ANO4: variants seen among roughly 807,000 people sequenced by gnomAD.
ANO4 encodes anoctamin 4.
In ANO4, 69 loss-of-function variants were observed where a neutral mutation model predicts 141.9. The observed-to-expected ratio is 0.49, with a 90% confidence interval of 0.40 to 0.59. ANO4 has a LOEUF of 0.59. Ranked by LOEUF, ANO4 falls within the 20% of genes least tolerant of loss-of-function variation. The pLI is 0.00. For missense variants in ANO4, 894 were observed against 1,162.2 expected (o/e 0.77, Z 3.36); for synonymous variants, 350 against 394.3 (o/e 0.89, Z 1.33).
At chr12:101,003,766 T>C (rs1227325930) in intron 8 of ANO4, among the ~76,000 whole-genome samples, 3 of 152,136 alleles carry the variant, frequency 2.0e-5, no homozygotes, top group Non-Finnish European at 2.9e-5. Flanking sequence ...TTTCAAAATA[T>C]CTAGAAGAGA....
At chr12:101,011,252 A>G (rs1219744983) in intron 8 of ANO4, among the ~76,000 whole-genome samples, 1 of 151,916 alleles carries the variant, frequency 6.6e-6, no homozygotes, top group African/African-American at 2.4e-5. Flanking sequence ...TCTTGATAGA[A>G]GGAGCAAGAA....
chr12:100,956,152 C>T (rs529985198), intron 5 of ANO4, among the ~76,000 whole-genome samples: 2 of 152,320 alleles, frequency 1.3e-5, no homozygotes, highest in South Asian at 4.1e-4. Context: ...AGCCTCTTTA[C>T]AACCAAATCC....
At chr12:100,997,736 G>C (rs2136384772) in intron 8 of ANO4, among the ~76,000 whole-genome samples, 1 of 152,212 alleles carries the variant, frequency 6.6e-6, no homozygotes, top group East Asian at 1.9e-4. Flanking sequence ...GATTGTCAGA[G>C]ACGAAGAAAA....
chr12:100,850,681 T>A (rs1297921257), intron 1 of ANO4, among the ~76,000 whole-genome samples: 1 of 151,920 alleles, frequency 6.6e-6, no homozygotes, highest in African/African-American at 2.4e-5. Flanking sequence ...TTTTTAAAAT[T>A]GTTGATAAAA....
In ANO4 at chr12:100,856,185, G is replaced by A. The variant is rs992241971; in HGVS notation, c.-140-45461G>A. 2.2e-4 allele frequency among the ~76,000 whole-genome samples: 34 copies of A among 152,246 alleles called. 1 individual carries two copies. Among genetic ancestry groups the A allele is most frequent in the African/African-American group, 6.7e-4 (28 of 41,544 alleles). On this transcript the variant is annotated intron_variant, in intron 1 of 27. Coordinates refer to ENST00000392977, the MANE Select transcript of ANO4 (RefSeq NM_001286615.2). Reference sequence around the variant, plus strand: ...TGTAGGAGACTTGAAGTACTTTGCCGAAGGATTTTGGTTATAATCAGCCAG... The same window carrying A: ...TGTAGGAGACTTGAAGTACTTTGCCAAAGGATTTTGGTTATAATCAGCCAG...
chr12:100,947,599 T>C (rs968272446), intron 5 of ANO4, among the ~76,000 whole-genome samples: 1 of 152,198 alleles, frequency 6.6e-6, no homozygotes, highest in Non-Finnish European at 1.5e-5. Context: ...AAAATCCAAC[T>C]GCAGTAAACA....
intron 1 of ANO4, among the ~76,000 whole-genome samples, chr12:100,834,643 A>C (rs1196952903): frequency 6.6e-6 from 1 of 152,120 alleles, no homozygotes; most frequent in Non-Finnish European, 1.5e-5. Context: ...TTTGGTGGCA[A>C]GGTGAGGCAG....
chr12:101,104,652 TATATATATATATATATATAAATAA>T (rs1195275478), intron 22 of ANO4, among the ~76,000 whole-genome samples: 31 of 95,016 alleles, frequency 3.3e-4, no homozygotes, highest in African/African-American at 1.5e-3. Flanking sequence ...TATATATATA[TATATATATATATATATATAAATAA>T]AAAGATTTAC....
intron 8 of ANO4, among the ~76,000 whole-genome samples, chr12:101,010,515 A>T (rs549007322): frequency 2.0e-5 from 3 of 152,178 alleles, no homozygotes; most frequent in Non-Finnish European, 4.4e-5. Flanking sequence ...TGCTCATAAA[A>T]TGTCTACTCA....
intron 3 of ANO4, among the ~76,000 whole-genome samples, chr12:100,931,096 C>T (rs1416046869): frequency 1.3e-5 from 2 of 152,104 alleles, no homozygotes; most frequent in Non-Finnish European, 2.9e-5. Context: ...GTAAACCAGG[C>T]AGCCTTTGCC....
At chr12:100,788,510 C>T (rs546547096) in intron 3 of ANO4, among the ~76,000 whole-genome samples, 5 of 152,190 alleles carry the variant, frequency 3.3e-5, no homozygotes, top group South Asian at 2.1e-4. Flanking sequence ...GGGTGTTACA[C>T]GTTATTATGT....
At chr12:101,056,088 T>C (rs920986426) in intron 14 of ANO4, among the ~76,000 whole-genome samples, 1 of 152,316 alleles carries the variant, frequency 6.6e-6, no homozygotes, top group East Asian at 1.9e-4. Flanking sequence ...ATCATATTTT[T>C]CTTTTCAAAA....
At chr12:100,769,720 A>G (rs1177262953) in intron 3 of ANO4, among the ~76,000 whole-genome samples, 1 of 152,186 alleles carries the variant, frequency 6.6e-6, no homozygotes, top group African/African-American at 2.4e-5. Context: ...ATTATATCTA[A>G]TATGACCTCT....
intron 14 of ANO4, chr12:101,066,657 A>G (rs1012870869): frequency 3.3e-6 from 2 of 608,808 alleles, no homozygotes; most frequent in Admixed American, 2.6e-5. Flanking sequence ...TTGCGTCCCC[A>G]TCATGGCCCT....
intron 17 of ANO4, among the ~76,000 whole-genome samples, chr12:101,089,105 A>T (rs1042112901): frequency 3.3e-5 from 5 of 152,138 alleles, no homozygotes; most frequent in African/African-American, 4.8e-5. Context: ...CTAATTTAAT[A>T]CTATTATCCA....
At chr12:100,776,630 A>G (rs1019470397) in intron 3 of ANO4, among the ~76,000 whole-genome samples, 4 of 152,240 alleles carry the variant, frequency 2.6e-5, no homozygotes, top group Non-Finnish European at 5.9e-5. Context: ...AAATAATGGT[A>G]GCCTTTAAGA....
intron 17 of ANO4, among the ~76,000 whole-genome samples, chr12:101,087,145 C>G (rs1260762371): frequency 2.6e-5 from 4 of 152,142 alleles, no homozygotes; most frequent in Non-Finnish European, 5.9e-5. Context: ...ATTTAGAACA[C>G]TCAGAACCTG....
chr12:101,024,791 A>G (rs1386383804), intron 9 of ANO4, among the ~76,000 whole-genome samples: 3 of 152,340 alleles, frequency 2.0e-5, no homozygotes, highest in Middle Eastern at 3.4e-3. Context: ...TAGACAAACT[A>G]TAAAGCCTTG....
chr12:100,848,624 C>T (rs1444327981), intron 1 of ANO4, among the ~76,000 whole-genome samples: 1 of 152,116 alleles, frequency 6.6e-6, no homozygotes, highest in Non-Finnish European at 1.5e-5. Context: ...GAGCATGGTC[C>T]TTTGTGGTCT....
Sources: gnomAD v4.1 joint callset for allele counts (sites outside exome capture counted in the v4.1 genomes callset) on GRCh38, gnomAD v4.1.1 for gene constraint, MANE v1.5 for transcripts, NCBI Gene and HGNC (gene_info 2026-07-23, HGNC 2026-07-21) for gene names.